Variants in DENND1A observed in about 807,000 individuals in gnomAD.
DENND1A encodes DENN domain-containing protein 1A.
In DENND1A, 51 loss-of-function variants were observed where a neutral mutation model predicts 113.7. The ratio of observed to expected loss-of-function variants is 0.45; its 90% confidence interval spans 0.36 to 0.57. The LOEUF (loss-of-function observed/expected upper bound fraction) is 0.57, where lower values mean the gene tolerates loss of function less well. Among genes scored for constraint, DENND1A ranks in the 20% least tolerant of loss-of-function variants. The pLI is 0.00. For missense variants in DENND1A, 1,258 were observed against 1,395.9 expected (o/e 0.90, Z 1.57); for synonymous variants, 565 against 570.8 (o/e 0.99, Z 0.14).
At chr9:123,757,001 A>G (rs929040190) in intron 5 of DENND1A, among the ~76,000 whole-genome samples, 4 of 152,170 alleles carry the variant, frequency 2.6e-5, no homozygotes, top group Non-Finnish European at 4.4e-5. Context: ...AGAGGGGAGC[A>G]TGGGGGATGC....
intron 1 of DENND1A, among the ~76,000 whole-genome samples, chr9:123,929,182 C>T (rs1361186563): frequency 1.3e-5 from 2 of 152,188 alleles, no homozygotes; most frequent in Non-Finnish European, 2.9e-5. Flanking sequence ...ACAATTTCCC[C>T]GGAAAGCTAA....
intron 2 of DENND1A, among the ~76,000 whole-genome samples, chr9:123,836,871 T>C (rs567725117): frequency 2.3e-4 from 35 of 152,302 alleles, no homozygotes; most frequent in African/African-American, 7.9e-4. Flanking sequence ...AATAGTAATA[T>C]AAAACGTTTT....
intron 8 of DENND1A, among the ~76,000 whole-genome samples, chr9:123,659,217 C>A (rs546939933): frequency 6.6e-6 from 1 of 152,332 alleles, no homozygotes; most frequent in East Asian, 1.9e-4. Flanking sequence ...TTAAGTTCCA[C>A]ATCCCAAAGC....
At chr9:123,810,506 G>A (rs1384978977) in intron 2 of DENND1A, among the ~76,000 whole-genome samples, 1 of 121,898 alleles carries the variant, frequency 8.2e-6, no homozygotes, top group East Asian at 2.6e-4. Flanking sequence ...GAGCTCAAGA[G>A]ATCGAGACCA....
chr9:123,719,130 T>C (rs1286499671), intron 5 of DENND1A, among the ~76,000 whole-genome samples: 3 of 152,218 alleles, frequency 2.0e-5, no homozygotes, highest in Admixed American at 2.0e-4. Context: ...TGTGAGTCCA[T>C]TAAACCTCTT....
chr9:123,904,561 C>A (rs547701527), intron 1 of DENND1A, among the ~76,000 whole-genome samples: 2 of 145,726 alleles, frequency 1.4e-5, no homozygotes, highest in Non-Finnish European at 3.0e-5. Flanking sequence ...TCGAGAACTA[C>A]GTGAAGAATG....
chr9:123,446,910 G>A (rs1428557242), intron 18 of DENND1A, among the ~76,000 whole-genome samples: 4 of 152,180 alleles, frequency 2.6e-5, no homozygotes, highest in Admixed American at 6.5e-5. Context: ...TTTTGATACC[G>A]AAGAAAAAAG....
chr9:123,714,300 G>A (rs1386861800), intron 5 of DENND1A, among the ~76,000 whole-genome samples: 1 of 152,108 alleles, frequency 6.6e-6, no homozygotes, highest in Non-Finnish European at 1.5e-5. Flanking sequence ...CATGTTGCAG[G>A]GACAAAAACT....
intron 2 of DENND1A, among the ~76,000 whole-genome samples, chr9:123,817,296 G>A (rs1837654629): frequency 2.6e-5 from 4 of 152,066 alleles, no homozygotes; most frequent in African/African-American, 9.7e-5. Flanking sequence ...ATTACAATAG[G>A]CAATGTAAAA....
intron 2 of DENND1A, among the ~76,000 whole-genome samples, chr9:123,816,893 G>A (rs1207469922): frequency 2.0e-5 from 3 of 152,120 alleles, no homozygotes; most frequent in Non-Finnish European, 4.4e-5. Flanking sequence ...GTCAGTCCCA[G>A]GGCGAACTCC....
intron 1 of DENND1A, among the ~76,000 whole-genome samples, chr9:123,886,450 C>T (rs569265104): frequency 4.3e-4 from 66 of 152,288 alleles, no homozygotes; most frequent in South Asian, 2.1e-3. Flanking sequence ...AAACTTCAAA[C>T]CAGCTTCAGC....
chr9:123,421,928 C>T (rs1033572031), intron 19 of DENND1A, among the ~76,000 whole-genome samples: 5 of 152,200 alleles, frequency 3.3e-5, no homozygotes, highest in African/African-American at 1.2e-4. Flanking sequence ...TTCCAGCCAG[C>T]CCCCTCACGG....
At chr9:123,844,524 T>C (rs1220512404) in intron 2 of DENND1A, among the ~76,000 whole-genome samples, 3 of 152,072 alleles carry the variant, frequency 2.0e-5, no homozygotes, top group Non-Finnish European at 2.9e-5. Flanking sequence ...ATTGCAAAAC[T>C]TATACTCTGA....
At chr9:123,819,877 G>C (rs1056746112) in intron 2 of DENND1A, among the ~76,000 whole-genome samples, 9 of 152,028 alleles carry the variant, frequency 5.9e-5, no homozygotes, top group Non-Finnish European at 1.0e-4. Context: ...TTACTTTTCT[G>C]AATTTTATAA....
At chr9:123,682,590 C>T (rs2064540520) in intron 5 of DENND1A, among the ~76,000 whole-genome samples, 1 of 152,136 alleles carries the variant, frequency 6.6e-6, no homozygotes, top group Non-Finnish European at 1.5e-5. Flanking sequence ...AAAAAACCTC[C>T]TCCCCAATGT....
At chr9:123,612,880 G>A (rs796350514) in intron 10 of DENND1A, among the ~76,000 whole-genome samples, 10 of 152,266 alleles carry the variant, frequency 6.6e-5, no homozygotes, top group Admixed American at 3.9e-4. Flanking sequence ...AACCTCTGAC[G>A]TACCTGGCAC....
intron 13 of DENND1A, among the ~76,000 whole-genome samples, chr9:123,486,397 G>C (rs1012029813): frequency 6.6e-6 from 1 of 151,922 alleles, no homozygotes; most frequent in South Asian, 2.1e-4. Flanking sequence ...CGTCACCTTG[G>C]CTCTGGGCTC....
chr9:123,402,897 C>T (rs2043610019), intron 21 of DENND1A, among the ~76,000 whole-genome samples: 2 of 152,202 alleles, frequency 1.3e-5, no homozygotes, highest in Non-Finnish European at 2.9e-5. Flanking sequence ...CCAGGGAGCT[C>T]CGCGTCTCAG....
rs2042336196 is a variant in DENND1A, at chr9:123,382,589, C to T, written c.2056G>A (p.Val686Met). The change falls in exon 24 of 24, where the codon GTG becomes ATG. Residue 686 changes from valine to methionine, a missense_variant. By Grantham distance (21) the Val-to-Met change is conservative. This residue lies in a region of DENND1A where 1,159 missense variants were observed against 1,231.7 expected (regional missense o/e 0.94). Coordinates refer to ENST00000394215, the MANE Select transcript of DENND1A (RefSeq NM_001352964.2). ...TGGGTAAGCTTCAAGGCCACTGTCA[C>T]CCCGCGGCTCCTCTCACTCCCGCCC... The part of the protein sequence containing the change: ...DLGGSERSRG[V>M]TVALKLTHPY... 1 of 1,614,020 alleles carries T rather than the reference C, an allele frequency of 6.2e-7. No individual in the cohort carries two copies. Among genetic ancestry groups the T allele is most frequent in the Non-Finnish European group, 8.5e-7 (1 of 1,180,014 alleles).
Sources: allele counts gnomAD v4.1 joint callset (sites outside exome capture counted in the v4.1 genomes callset), GRCh38; gene constraint gnomAD v4.1.1; regional missense constraint gnomAD v4.1.1; transcripts MANE v1.5; gene names NCBI Gene and HGNC (gene_info 2026-07-23, HGNC 2026-07-21).